The following BIRC6 variants were observed in gnomAD, a reference collection of about 807,000 sequenced individuals.
BIRC6 encodes the protein baculoviral IAP repeat containing 6, also known as dual E2 ubiquitin-conjugating enzyme/E3 ubiquitin-protein ligase BIRC6.
A neutral mutation model predicts 503.3 loss-of-function variants in BIRC6; 98 were observed. That is an observed-to-expected ratio of 0.19 (90% CI 0.17 to 0.23). The LOEUF (loss-of-function observed/expected upper bound fraction) is 0.23. Ranked by LOEUF, BIRC6 falls within the 10% of genes least tolerant of loss-of-function variation. The probability of loss-of-function intolerance (pLI) is 1.00; values close to 1 mark genes in which losing one functional copy is unlikely to be tolerated. For synonymous variants in BIRC6, 2,240 were observed against 2,078.7 expected (o/e 1.08, Z -2.11); for missense variants, 5,360 against 5,806.0 (o/e 0.92, Z 2.50).
chr2:32,549,938 A>G (rs1462889638), intron 65 of BIRC6, among the ~76,000 whole-genome samples: 1 of 152,206 alleles, frequency 6.6e-6, no homozygotes, highest in Non-Finnish European at 1.5e-5. Context: ...AAAATTCAAT[A>G]ATAAAAGTAC....
chr2:32,605,980 C>T (rs188951624), intron 71 of BIRC6, among the ~76,000 whole-genome samples: 3 of 152,264 alleles, frequency 2.0e-5, no homozygotes, highest in Non-Finnish European at 4.4e-5. Context: ...GGGTCAAATA[C>T]GTTACTTTCG....
chr2:32,558,264 A>C (rs550316962), intron 65 of BIRC6, among the ~76,000 whole-genome samples: 114 of 151,944 alleles, frequency 7.5e-4, no homozygotes, highest in African/African-American at 2.6e-3. Flanking sequence ...AGATACTTAA[A>C]AATTTTTACG....
At chr2:32,369,945 A>AAAAT (rs1553373676) in intron 1 of BIRC6, among the ~76,000 whole-genome samples, 6 of 44,214 alleles carry the variant, frequency 1.4e-4, no homozygotes, top group East Asian at 6.6e-4. Context: ...AAAAAAAAAA[A>AAAAT]ATATATATAT....
intron 66 of BIRC6, among the ~76,000 whole-genome samples, chr2:32,587,158 G>T (rs760657898): frequency 2.0e-5 from 3 of 152,222 alleles, no homozygotes; most frequent in Non-Finnish European, 4.4e-5. Flanking sequence ...GGAGGCTGTG[G>T]CACACAGATC....
At chr2:32,516,624 A>T (rs1479850036) in intron 55 of BIRC6, among the ~76,000 whole-genome samples, 1 of 151,240 alleles carries the variant, frequency 6.6e-6, no homozygotes, top group South Asian at 2.1e-4. Context: ...ATAATTTATC[A>T]TATATTATGA....
chr2:32,601,806 A>G (rs1274885225), intron 70 of BIRC6, among the ~76,000 whole-genome samples: 3 of 152,112 alleles, frequency 2.0e-5, no homozygotes, highest in African/African-American at 4.8e-5. Flanking sequence ...ATCTAATGTT[A>G]TCTTTAAGTA....
intron 66 of BIRC6, among the ~76,000 whole-genome samples, chr2:32,583,068 G>C (rs553673593): frequency 6.6e-6 from 1 of 152,302 alleles, no homozygotes; most frequent in Non-Finnish European, 1.5e-5. Context: ...GATAATTACA[G>C]TACTCTGATG....
chr2:32,479,974 CT>C (rs1002692595), intron 37 of BIRC6, among the ~76,000 whole-genome samples: 1 of 150,536 alleles, frequency 6.6e-6, no homozygotes, highest in Non-Finnish European at 1.5e-5. Flanking sequence ...CTTACTTTTT[CT>C]TTTTTTTTCC....
At chr2:32,483,747 T>G (rs562427585) in intron 39 of BIRC6, among the ~76,000 whole-genome samples, 10 of 152,348 alleles carry the variant, frequency 6.6e-5, no homozygotes, top group African/African-American at 1.9e-4. Flanking sequence ...GTATGCTATT[T>G]CCTTGTGAAT....
intron 4 of BIRC6, among the ~76,000 whole-genome samples, chr2:32,389,819 C>T (rs375066706): frequency 1.3e-5 from 2 of 152,108 alleles, no homozygotes; most frequent in East Asian, 3.9e-4. Context: ...GCCTCAGCCT[C>T]CTGAGTAGCT....
intron 61 of BIRC6, among the ~76,000 whole-genome samples, chr2:32,542,840 C>G (rs1179656694): frequency 6.6e-6 from 1 of 152,120 alleles, no homozygotes; most frequent in East Asian, 1.9e-4. Context: ...AGTTTTGTTG[C>G]CCAGGCTGGA....
chr2:32,357,562 T>A lies in BIRC6; in HGVS notation c.325+76T>A, dbSNP rs918358260. Reference sequence around the variant, plus strand: ...CAGCCCCGGGGCTCGGCCTCGCGACTCGGGGAAGCGAGATGGCGAGAGGGC... The same window carrying A: ...CAGCCCCGGGGCTCGGCCTCGCGACACGGGGAAGCGAGATGGCGAGAGGGC... On this transcript the variant is annotated intron_variant, in intron 1 of 73. Transcript: ENST00000421745. This position sits in a 1 kb window ranked among gnomAD's most constrained non-coding sequence, Gnocchi z 4.9. 22 of 1,501,766 alleles carry A rather than the reference T, an allele frequency of 1.5e-5. No individual in the cohort carries two copies. The African/African-American group carries it at 3.2e-4, about 22-fold the overall frequency. The allele number at this position is 1,501,766 out of a possible 1,614,324, so 93.0% of individuals were successfully genotyped here. A position where few individuals can be genotyped will look rare whatever the true frequency, so the allele number is the denominator to read the frequency against.
At chr2:32,586,422 CCTTTT>C (rs1209555690) in intron 66 of BIRC6, among the ~76,000 whole-genome samples, 1 of 126,654 alleles carries the variant, frequency 7.9e-6, no homozygotes, top group African/African-American at 3.1e-5. Context: ...CTCAAGCAGT[CCTTTT>C]TTTTTTTTTT....
At chr2:32,389,841 C>T (rs970252580) in intron 4 of BIRC6, among the ~76,000 whole-genome samples, 12 of 151,644 alleles carry the variant, frequency 7.9e-5, no homozygotes, top group African/African-American at 2.2e-4. Context: ...GAATTATAAC[C>T]GTCCACCACC....
chr2:32,485,072 TG>T (rs1192357557), intron 39 of BIRC6, among the ~76,000 whole-genome samples: 1 of 152,228 alleles, frequency 6.6e-6, no homozygotes, highest in Admixed American at 6.5e-5. Context: ...TAAAGGAGCA[TG>T]GTATTTCAAA....
chr2:32,593,203 T>C (rs961641160), intron 66 of BIRC6, among the ~76,000 whole-genome samples: 4 of 152,210 alleles, frequency 2.6e-5, no homozygotes, highest in African/African-American at 9.6e-5. Context: ...AGAGTTGGAA[T>C]AGAGAAAAGG....
intron 12 of BIRC6, among the ~76,000 whole-genome samples, chr2:32,431,498 T>C (rs2044120431): frequency 6.6e-6 from 1 of 152,008 alleles, no homozygotes; most frequent in African/African-American, 2.4e-5. Flanking sequence ...GCCTGGCCTG[T>C]TTGTGTTTTA....
chr2:32,366,124 G>T (rs1056305202), intron 1 of BIRC6, among the ~76,000 whole-genome samples: 1 of 152,128 alleles, frequency 6.6e-6, no homozygotes, highest in African/African-American at 2.4e-5. Context: ...ACCTGCTTCG[G>T]TCTCCCAAAG....
chr2:32,371,409 C>G (rs2035927068), intron 1 of BIRC6, among the ~76,000 whole-genome samples: 2 of 151,832 alleles, frequency 1.3e-5, no homozygotes, highest in African/African-American at 2.4e-5. Context: ...GAGTCTCGCT[C>G]TGTTGCCCAG....
Sources: allele counts gnomAD v4.1 joint callset (sites outside exome capture counted in the v4.1 genomes callset), GRCh38; gene constraint gnomAD v4.1.1; non-coding constraint Gnocchi (gnomAD v3.1); transcripts MANE v1.5; gene names NCBI Gene and HGNC (gene_info 2026-07-23, HGNC 2026-07-21).